Variants in IL6R observed in about 807,000 individuals in gnomAD.
The protein encoded by IL6R is interleukin-6 receptor subunit alpha.
Under a neutral mutation model 48.3 loss-of-function variants are expected in IL6R, and 38 were observed. The ratio of observed to expected loss-of-function variants is 0.79; its 90% CI spans 0.61 to 1.03. The LOEUF is 1.03. Among genes scored for constraint, IL6R ranks in the 50% least tolerant of loss-of-function variants. The pLI is 0.00. For synonymous variants in IL6R, 264 were observed against 256.2 expected (o/e 1.03, Z -0.29); for missense variants, 534 against 618.3 (o/e 0.86, Z 1.45).
intron 9 of IL6R, among the ~76,000 whole-genome samples, chr1:154,455,478 G>C (rs1690821663): frequency 7.5e-6 from 1 of 132,860 alleles, no homozygotes; most frequent in African/African-American, 3.0e-5. Flanking sequence ...TTTTGAGACA[G>C]AGTCTTGCTC....
chr1:154,418,853 A>G (rs1406060443), intron 1 of IL6R, among the ~76,000 whole-genome samples: 1 of 152,068 alleles, frequency 6.6e-6, no homozygotes, highest in Non-Finnish European at 1.5e-5. Flanking sequence ...CCAGTGCCCC[A>G]TTAGGTTGGC....
At chr1:154,429,592 G>A in intron 2 of IL6R, 148 bp downstream of exon 2, 1 of 946,150 alleles carries the variant, frequency 1.1e-6, no homozygotes, top group Non-Finnish European at 1.5e-6. Context: ...CTGCCATCCA[G>A]ATGCTGGCAA....
intron 1 of IL6R, among the ~76,000 whole-genome samples, chr1:154,410,228 A>C (rs1199461300): frequency 2.6e-5 from 4 of 152,082 alleles, no homozygotes; most frequent in Admixed American, 2.6e-4. Context: ...CTGGAGTGGC[A>C]AGGGGAAGGT....
intron 6 of IL6R, among the ~76,000 whole-genome samples, chr1:154,447,454 A>AAAAAT (rs1553309648): frequency 1.4e-5 from 1 of 70,102 alleles, no homozygotes; most frequent in Non-Finnish European, 2.5e-5. Context: ...AAAAAAAAAA[A>AAAAAT]ATATATATAT....
intron 1 of IL6R, among the ~76,000 whole-genome samples, chr1:154,407,582 A>G (rs1038742931): frequency 1.3e-5 from 2 of 152,232 alleles, no homozygotes; most frequent in African/African-American, 4.8e-5. Flanking sequence ...GTAAAAATAA[A>G]GAAATCGTAC....
At position 154,429,253 on chromosome 1, in the gene IL6R, CG is replaced by C. The variant is rs770415570; in HGVS notation, c.148del (p.Val50Ter). 6 of 1,614,088 alleles carry C rather than the reference CG, an allele frequency of 3.7e-6. No homozygotes were observed. The Admixed American group carries it at 1.0e-4, about 27-fold the overall frequency. On this transcript the variant is annotated frameshift_variant, in exon 2 of 10. Coordinates refer to ENST00000368485, the MANE Select transcript of IL6R (RefSeq NM_000565.4). LOFTEE classifies it high-confidence loss of function. ...LPGDSVTLTC[P>X]GVEPEDNATV... ...GGAGACAGCGTGACTCTGACCTGCC[CG>C]GGGGTAGAGCCGGAAGACAATGCCA... is the stretch of plus-strand genomic sequence containing the variant.
chr1:154,415,890 G>T (rs906712553), intron 1 of IL6R, among the ~76,000 whole-genome samples: 7 of 152,012 alleles, frequency 4.6e-5, no homozygotes, highest in Non-Finnish European at 4.4e-5. Context: ...GAGGCAAGAG[G>T]GGAGGCAGAG....
intron 3 of IL6R, among the ~76,000 whole-genome samples, chr1:154,431,188 A>G (rs564189604): frequency 6.6e-6 from 1 of 152,198 alleles, no homozygotes; most frequent in South Asian, 2.1e-4. Flanking sequence ...GGGGCTCTGC[A>G]TCATCACCGG....
intron 9 of IL6R, among the ~76,000 whole-genome samples, chr1:154,461,650 C>G (rs1691270997): frequency 6.6e-6 from 1 of 152,206 alleles, no homozygotes; most frequent in South Asian, 2.1e-4. Context: ...ATGATCATCT[C>G]TGTATCTAAT....
intron 6 of IL6R, among the ~76,000 whole-genome samples, chr1:154,447,476 T>TACACACACACACACACACACAC (rs1230551409): frequency 2.9e-5 from 2 of 68,834 alleles, no homozygotes; most frequent in African/African-American, 1.1e-4. Flanking sequence ...TATATATATA[T>TACACACACACACACACACACAC]ACACACACAC....
chr1:154,429,564 G>A (rs768837795), intron 2 of IL6R, 120 bp downstream of exon 2: 2 of 1,239,556 alleles, frequency 1.6e-6, no homozygotes, highest in African/African-American at 1.5e-5. Context: ...AAGAATTTTG[G>A]GGAAGGCCCA....
chr1:154,460,513 T>A (rs1343898173), intron 9 of IL6R, among the ~76,000 whole-genome samples: 5 of 152,182 alleles, frequency 3.3e-5, no homozygotes, highest in Non-Finnish European at 7.3e-5. Context: ...TACATATGTA[T>A]GTGATATGTG....
chr1:154,463,410 C>T (rs1691373102), intron 9 of IL6R, among the ~76,000 whole-genome samples: 1 of 152,184 alleles, frequency 6.6e-6, no homozygotes, highest in Admixed American at 6.5e-5. Context: ...AAGCTAAAAG[C>T]CAGTGGCAGA....
chr1:154,446,767 G>T (rs1001685445), intron 6 of IL6R, among the ~76,000 whole-genome samples: 1 of 152,116 alleles, frequency 6.6e-6, no homozygotes, highest in Non-Finnish European at 1.5e-5. Flanking sequence ...TTGCAAAAAG[G>T]TGCATAGAAG....
intron 6 of IL6R, among the ~76,000 whole-genome samples, chr1:154,444,144 C>T (rs151092649): frequency 2.0e-5 from 3 of 151,974 alleles, no homozygotes; most frequent in East Asian, 1.9e-4. Context: ...GATTCCTAAA[C>T]GTTGGGATTT....
chr1:154,422,728 C>T (rs560251924), intron 1 of IL6R, among the ~76,000 whole-genome samples: 4 of 152,338 alleles, frequency 2.6e-5, no homozygotes, highest in South Asian at 4.1e-4. Flanking sequence ...GCACCAGCCA[C>T]GCCTTCGCCC....
intron 9 of IL6R, among the ~76,000 whole-genome samples, chr1:154,460,472 T>C (rs6698040): frequency 0.67 from 102,171 of 151,896 alleles, 35,813 homozygotes; most frequent in East Asian, 0.83. Flanking sequence ...ATTAGGTCAA[T>C]AGGGACTTAA....
At chr1:154,420,856 G>A (rs1688622659) in intron 1 of IL6R, among the ~76,000 whole-genome samples, 1 of 152,116 alleles carries the variant, frequency 6.6e-6, no homozygotes, top group Non-Finnish European at 1.5e-5. Context: ...TTATATTAAA[G>A]AACAAATCAA....
Position 154,465,973 on chromosome 1 carries a change from G to C in IL6R, c.*593G>C, listed in dbSNP as rs1454971033. 6.4e-6 allele frequency: 1 copy of C among 155,928 alleles called. No individual in the cohort carries two copies. The highest frequency in any genetic ancestry group is 1.4e-5 in the Non-Finnish European group (1 of 70,034). The allele number at this position is 155,928 out of a possible 1,614,324, so 9.7% of individuals were successfully genotyped here. A position where few individuals can be genotyped will look rare whatever the true frequency, so the allele number is the denominator to read the frequency against. On this transcript the variant is annotated 3_prime_UTR_variant, in exon 10 of 10. Transcript: ENST00000368485. ...TCTTCCCTACAGTTGAAAAACAGCT[G>C]AGGGTGAGTGGGTGAATAATACAGT...
Sources: allele counts gnomAD v4.1 joint callset (sites outside exome capture counted in the v4.1 genomes callset), GRCh38; gene constraint gnomAD v4.1.1; transcripts MANE v1.5; gene names NCBI Gene and HGNC (gene_info 2026-07-23, HGNC 2026-07-21).